Variants in OOSP4B observed in about 807,000 individuals in gnomAD.
OOSP4B encodes the protein oocyte-secreted protein 4B.
At position 60,019,514 on chromosome 11, in the gene OOSP4B, G is replaced by A. The variant is rs146775097; in HGVS notation, c.22+2101G>A. ...TTCCTTCTGATGTTCGGATGTGTTC[G>A]GCGTTTTCTTCCTTCTGGTGGGTTC... On this transcript the variant is annotated intron_variant, in intron 1 of 4. Coordinates refer to ENST00000642343, the Ensembl canonical transcript of OOSP4B. 2.5e-3 allele frequency: 390 copies of A among 155,878 alleles called. 1 individual carries two copies. The highest frequency in any genetic ancestry group is 3.6e-3 in the Non-Finnish European group (252 of 70,946). 9.7% of individuals were successfully genotyped at this position (155,878 alleles called of 1,614,324 possible). A position where few individuals can be genotyped will look rare whatever the true frequency, so the allele number is the denominator to read the frequency against.
intron 3 of OOSP4B, among the ~76,000 whole-genome samples, chr11:60,027,939 A>C: frequency 6.9e-6 from 1 of 145,816 alleles, no homozygotes; most frequent in South Asian, 2.2e-4. Flanking sequence ...GATTGTCTTT[A>C]AAAAAAAAAG....
intron 1 of OOSP4B, chr11:60,021,456 C>A (rs1236372266): frequency 6.6e-6 from 1 of 152,108 alleles, no homozygotes; most frequent in Non-Finnish European, 1.5e-5. Context: ...TCACTCCTAC[C>A]TCTCCTAAGA....
At chr11:60,029,353 G>T (rs1365171026) in intron 3 of OOSP4B, among the ~76,000 whole-genome samples, 1 of 152,142 alleles carries the variant, frequency 6.6e-6, no homozygotes, top group Non-Finnish European at 1.5e-5. Flanking sequence ...CCTTGGAATG[G>T]GGTGTGTCTA....
At chr11:60,020,948 A>G (rs1232261558) in intron 1 of OOSP4B, among the ~76,000 whole-genome samples, 3 of 152,194 alleles carry the variant, frequency 2.0e-5, no homozygotes, top group African/African-American at 7.2e-5. Context: ...GAGTACTACC[A>G]ATCTATTTTT....
At chr11:60,020,377 C>G (rs554439323) in intron 1 of OOSP4B, among the ~76,000 whole-genome samples, 4 of 152,124 alleles carry the variant, frequency 2.6e-5, no homozygotes, top group African/African-American at 4.8e-5. Context: ...TCAGGCATGG[C>G]GGGCTGCAGG....
chr11:60,020,022 T>TA (rs1326230171), intron 1 of OOSP4B, among the ~76,000 whole-genome samples: 4 of 152,198 alleles, frequency 2.6e-5, no homozygotes, highest in African/African-American at 9.7e-5. Context: ...AGTAGCTAGA[T>TA]ACAGAGTGTG....
chr11:60,023,383 A>G (rs1854713465), intron 1 of OOSP4B, among the ~76,000 whole-genome samples: 1 of 152,222 alleles, frequency 6.6e-6, no homozygotes, highest in South Asian at 2.1e-4. Context: ...TTTGGGATAT[A>G]TTAGCTTAGA....
intron 1 of OOSP4B, among the ~76,000 whole-genome samples, chr11:60,020,594 C>T (rs1473572261): frequency 6.6e-6 from 1 of 152,174 alleles, no homozygotes; most frequent in Non-Finnish European, 1.5e-5. Context: ...CCGCCGGCGC[C>T]TCTCCCTCCA....
intron 1 of OOSP4B, among the ~76,000 whole-genome samples, chr11:60,018,159 G>C (rs977905731): frequency 1.1e-4 from 16 of 152,216 alleles, no homozygotes; most frequent in African/African-American, 3.6e-4. Context: ...CAGTGCGCCA[G>C]AGTGATGTCG....
At chr11:60,029,797 T>C in exon 4 of OOSP4B, 1 of 398,440 alleles carries the variant, frequency 2.5e-6, no homozygotes, top group Non-Finnish European at 4.4e-6. Context: ...AATTCCCCTC[T>C]GTGATGCATT....
intron 3 of OOSP4B, among the ~76,000 whole-genome samples, chr11:60,025,483 C>A (rs1251376159): frequency 1.3e-5 from 2 of 152,188 alleles, no homozygotes; most frequent in East Asian, 3.8e-4. Context: ...TGCAGCCACA[C>A]CTCACTGTTC....
At chr11:60,024,559 G>A (rs1854726075) in intron 2 of OOSP4B, among the ~76,000 whole-genome samples, 1 of 152,166 alleles carries the variant, frequency 6.6e-6, no homozygotes, top group Non-Finnish European at 1.5e-5. Context: ...GGTACGGTCT[G>A]TGCCTTCTCA....
intron 2 of OOSP4B, 38 bp from the exon 3 acceptor site, chr11:60,024,870 T>G (rs1321737280): frequency 5.0e-6 from 2 of 397,988 alleles, no homozygotes; most frequent in Non-Finnish European, 8.9e-6. Flanking sequence ...CCAAAAGAAT[T>G]TAATGCCTTC....
chr11:60,029,068 C>A (rs1210872929), intron 3 of OOSP4B, among the ~76,000 whole-genome samples: 2 of 152,166 alleles, frequency 1.3e-5, no homozygotes, highest in African/African-American at 4.8e-5. Context: ...ATTTTTCTCC[C>A]AGATCAAATA....
At chr11:60,021,984 C>T (rs1407826484) in intron 1 of OOSP4B, 21 of 81,838 alleles carry the variant, frequency 2.6e-4, no homozygotes, top group Non-Finnish European at 1.2e-4. Context: ...ACTCTATCTC[C>T]AAAAAAAAAA....
chr11:60,025,959 C>G (rs1446665317), intron 3 of OOSP4B, among the ~76,000 whole-genome samples: 1 of 152,024 alleles, frequency 6.6e-6, no homozygotes, highest in East Asian at 1.9e-4. Context: ...TTTCTGATAA[C>G]TAATTATTAG....
rs566350131 is a variant in OOSP4B at position 60,023,425 on chromosome 11, T to C, written c.23-455T>C. ...ATATTTTAAACTATACCTGCTTTTT[T>C]AAATTTTAATTTTAATGTCTTTTTT... On this transcript the variant is annotated intron_variant, in intron 1 of 4. Coordinates refer to ENST00000642343, the Ensembl canonical transcript of OOSP4B. Among the ~76,000 whole-genome samples the C allele has an allele frequency of 3.3e-5, 5 of 152,338 alleles. 1 individual carries two copies. Among genetic ancestry groups the C allele is most frequent in the Admixed American group, 3.3e-4 (5 of 15,306 alleles).
chr11:60,020,260 C>T (rs538393695), intron 1 of OOSP4B, among the ~76,000 whole-genome samples: 47 of 152,352 alleles, frequency 3.1e-4, no homozygotes, highest in African/African-American at 9.9e-4. Flanking sequence ...TGTGCCCGCA[C>T]TCCTCAGCCC....
intron 1 of OOSP4B, among the ~76,000 whole-genome samples, chr11:60,023,290 A>G (rs928705970): frequency 1.3e-5 from 2 of 152,374 alleles, no homozygotes; most frequent in Admixed American, 1.3e-4. Flanking sequence ...TTGTGCTACA[A>G]ATACAAAACA....
Sources: gnomAD v4.1 joint callset for allele counts (sites outside exome capture counted in the v4.1 genomes callset) on GRCh38, gnomAD v4.1.1 for gene constraint, MANE v1.5 for transcripts, NCBI Gene and HGNC (gene_info 2026-07-23, HGNC 2026-07-21) for gene names.